The following ETV3L variants were observed in gnomAD, a reference collection of about 807,000 sequenced individuals.
ETV3L encodes ETS variant transcription factor 3 like.
A neutral mutation model predicts 27.6 loss-of-function variants in ETV3L; 30 were observed. The ratio of observed to expected loss-of-function variants is 1.09; its 90% confidence interval spans 0.81 to 1.48. The LOEUF (loss-of-function observed/expected upper bound fraction) is 1.48. ETV3L is among the 40% of genes most tolerant of loss of function. The pLI is 0.00. For synonymous variants in ETV3L, 186 were observed against 188.9 expected, an observed-to-expected ratio of 0.98 and a Z score of 0.12; for missense variants, 443 against 455.6, an observed-to-expected ratio of 0.97 and a Z score of 0.25.
At chr1:157,096,141 G>A (rs747285004) in intron 4 of ETV3L, among the ~76,000 whole-genome samples, 62 of 151,960 alleles carry the variant, frequency 4.1e-4, no homozygotes, top group Admixed American at 9.8e-4. Context: ...TCTCTCGCTC[G>A]CCATGCTCTC....
In ETV3L at chr1:157,092,685, C is replaced by A. The variant is rs1182531144; in HGVS notation, c.1050G>T (p.Glu350Asp). Residue 350 changes from glutamate to aspartate, a missense_variant, in exon 5 of 5, where the codon GAG becomes GAT. Transcript: ENST00000454449. The part of the protein sequence containing the change: ...GEESLTSPNL[E>D]NLKAVWPLDP... ...CCAAGGGCCACACTGCTTTGAGGTT[C>A]TCCAGATTGGGGGAAGTAAGGCTTT... 12 of 1,613,174 alleles carry A rather than the reference C, an allele frequency of 7.4e-6. No individual in the cohort carries two copies. The highest frequency in any genetic ancestry group is 1.0e-5 in the Non-Finnish European group (12 of 1,179,468).
Position 157,092,565 on chromosome 1 carries a change from G to T in ETV3L, c.*84C>A. ...CAATTTCAGCCCATGTCCAGCCAGG[G>T]GAAGGGGCTAACCCAGAGGCGGTGG... is the stretch of plus-strand genomic sequence containing the variant. On this transcript the variant is annotated 3_prime_UTR_variant, in exon 5 of 5. Transcript: ENST00000454449. 8.3e-7 allele frequency: 1 copy of T among 1,198,884 alleles called. No individual in the cohort carries two copies. The highest frequency in any genetic ancestry group is 1.2e-6 in the Non-Finnish European group (1 of 850,872). 74.3% of individuals were successfully genotyped at this position (1,198,884 alleles called of 1,614,324 possible).
intron 3 of ETV3L, among the ~76,000 whole-genome samples, chr1:157,098,311 G>A (rs575343713): frequency 7.9e-5 from 12 of 152,066 alleles, no homozygotes; most frequent in Non-Finnish European, 1.6e-4. Context: ...GTCCAGGCTG[G>A]TCTCGAACTC....
At chr1:157,093,165 A>G (rs1571679095) in intron 4 of ETV3L, 38 bp from the exon 5 acceptor site, 16 of 1,366,244 alleles carry the variant, frequency 1.2e-5, no homozygotes, top group Non-Finnish European at 1.4e-5. Flanking sequence ...AGGGAGCCCA[A>G]CCTCTCGCAG....
chr1:157,093,499 CT>C (rs912702848), intron 4 of ETV3L, among the ~76,000 whole-genome samples: 205 of 144,450 alleles, frequency 1.4e-3, no homozygotes, highest in African/African-American at 4.1e-3. Context: ...TTTTTCTTTT[CT>C]TTTTTTTTTT....
At chr1:157,096,172 C>T (rs1384012843) in intron 4 of ETV3L, among the ~76,000 whole-genome samples, 1 of 152,170 alleles carries the variant, frequency 6.6e-6, no homozygotes, top group African/African-American at 2.4e-5. Context: ...CTGAGCTAAG[C>T]TGACACTCAC....
chr1:157,096,064 G>A (rs897611634), intron 4 of ETV3L, among the ~76,000 whole-genome samples: 10 of 152,036 alleles, frequency 6.6e-5, no homozygotes, highest in African/African-American at 2.4e-4. Flanking sequence ...CAGTCTCTCT[G>A]TTCCAGGGCC....
At chr1:157,096,982 CTCCTGCCCACAGGAGAAAG>C (rs1185571259) in intron 4 of ETV3L, among the ~76,000 whole-genome samples, 1 of 152,054 alleles carries the variant, frequency 6.6e-6, no homozygotes, top group Non-Finnish European at 1.5e-5. Context: ...CTCCCAGTCC[CTCCTGCCCACAGGAGAAAG>C]TCCTGCTCCC....
At position 157,099,149 on chromosome 1, in the gene ETV3L, C is replaced by T. The variant is rs1321120555; in HGVS notation, c.288G>A (p.Arg96=). ...CAGCCGCCTCCTCTCACCTGAGGGC[C>T]CGGCTCAGCTTGTCATAATTCATCT... is the stretch of plus-strand genomic sequence containing the variant. ...KPQMNYDKLS[R]ALRYYYNKRI... Residue 96 remains arginine, a synonymous_variant, in exon 2 of 5, where the codon CGG becomes CGA. Transcript: ENST00000454449. 2 of 1,613,866 alleles carry T rather than the reference C, an allele frequency of 1.2e-6. No individual in the cohort carries two copies. The highest frequency in any genetic ancestry group is 1.7e-5 in the Admixed American group (1 of 60,002).
Position 157,099,520 on chromosome 1 carries a change from G to A in ETV3L, c.4C>T (p.His2Tyr), listed in dbSNP as rs1379903458. Reference protein sequence around the residue: MHCSCLAEGIPA... With the variant: MYCSCLAEGIPA... ...ATGCCCTCAGCCAAGCAGCTGCAGTGCATGGTCCACTCCGGCGAGATGGGC... is the reference window on the plus strand; with the variant it reads ...ATGCCCTCAGCCAAGCAGCTGCAGTACATGGTCCACTCCGGCGAGATGGGC... The change falls in exon 1 of 5, where the codon CAC (histidine) becomes TAC (tyrosine). Residue 2 changes from histidine (H) to tyrosine (Y), a missense_variant. By Grantham distance (83) the His-to-Tyr change is moderately conservative. Coordinates refer to ENST00000454449, the MANE Select transcript of ETV3L (RefSeq NM_001004341.2). 6.2e-7 allele frequency: 1 copy of A among 1,610,762 alleles called. No homozygotes were observed. Among genetic ancestry groups the A allele is most frequent in the Admixed American group, 1.7e-5 (1 of 59,578 alleles).
chr1:157,096,813 G>A (rs576770408), intron 4 of ETV3L, among the ~76,000 whole-genome samples: 2 of 152,330 alleles, frequency 1.3e-5, no homozygotes, highest in Middle Eastern at 3.4e-3. Context: ...CAGTTACTTG[G>A]GAGGCTGAGG....
In ETV3L at chr1:157,098,698, G is replaced by T. The variant is rs769353508; in HGVS notation, c.486+8C>A. 16 of 1,580,296 alleles carry T rather than the reference G, an allele frequency of 1.0e-5. No individual in the cohort carries two copies. The highest frequency in any genetic ancestry group is 8.6e-7 in the Non-Finnish European group (1 of 1,163,574). On this transcript the variant is annotated splice_region_variant and intron_variant, in intron 3 of 4. Transcript: ENST00000454449. ...GAGCCCTGAGACAGGGGCCACCTCC[G>T]CTCTTACCTCACTCTGCACACCCAC...
Position 157,097,911 on chromosome 1 carries a change from T to A in ETV3L, c.564A>T (p.Pro188=), listed in dbSNP as rs964613522. 6.2e-7 allele frequency: 1 copy of A among 1,613,564 alleles called. No homozygotes were observed. Among genetic ancestry groups the A allele is most frequent in the African/African-American group, 1.3e-5 (1 of 74,872 alleles). Residue 188 remains proline (P), a synonymous_variant, in exon 4 of 5, where the codon CCA becomes CCT. Coordinates refer to ENST00000454449, the MANE Select transcript of ETV3L (RefSeq NM_001004341.2). ...TCCCCTTCTTATCCCCAGAGGTCTC[T>A]GGTGGCCCTCGGGGGGTCTGCTGTC... ...LTGQQTPRGP[P]ETSGDKKGSS... is the part of the protein sequence containing the mutation.
chr1:157,099,122 G>T lies in ETV3L; in HGVS notation c.296+19C>A, dbSNP rs1458669648. The T allele has an allele frequency of 6.2e-7, 1 of 1,613,222 alleles. No individual in the cohort carries two copies. Among genetic ancestry groups the T allele is most frequent in the Non-Finnish European group, 8.5e-7 (1 of 1,179,394 alleles). ...CTTGAAATCCCCCCTCTTTGGCCAT[G>T]TCAGCCGCCTCCTCTCACCTGAGGG... On this transcript the variant is annotated intron_variant, in intron 2 of 4. Transcript: ENST00000454449.
rs1362381030 is a variant in ETV3L at position 157,092,362 on chromosome 1, A to C, written c.*287T>G. 8.3e-6 allele frequency: 3 copies of C among 359,454 alleles called. No homozygotes were observed. The East Asian group carries it at 1.5e-4, about 18-fold the overall frequency. 22.3% of individuals were successfully genotyped at this position (359,454 alleles called of 1,614,324 possible). ...CCCTTATGTGGGCAGGATGGAAATT[A>C]TAGAAACTTTATTCTCGTCTCCCTG... On this transcript the variant is annotated 3_prime_UTR_variant, in exon 5 of 5. Transcript: ENST00000454449.
Position 157,097,850 on chromosome 1 carries a change from C to T in ETV3L, c.607+18G>A, listed in dbSNP as rs369614471. 1 of 1,612,080 alleles carries T rather than the reference C, an allele frequency of 6.2e-7. No individual in the cohort carries two copies. The highest frequency in any genetic ancestry group is 8.5e-7 in the Non-Finnish European group (1 of 1,179,778). On this transcript the variant is annotated intron_variant, in intron 4 of 4. Transcript: ENST00000454449. The stretch of plus-strand genomic sequence containing the variant: ...CTGGCTAAGATCCCCCTGGGCCCTC[C>T]CAGCCTTGAGCACTCACGGTAGACG...
chr1:157,099,073 G>T (rs761525642), intron 2 of ETV3L, 68 bp downstream of exon 2: 4 of 1,586,858 alleles, frequency 2.5e-6, no homozygotes, highest in Non-Finnish European at 3.4e-6. Flanking sequence ...GTCAGCAGGG[G>T]TACCAGAAAC....
Position 157,098,018 on chromosome 1 carries a change from G to A in ETV3L, c.487-30C>T, listed in dbSNP as rs749580867. On this transcript the variant is annotated intron_variant, in intron 3 of 4. Transcript: ENST00000454449. ...GGGGTGAGAAGTAGGTGCGAGGTGTGATGGGCTCTCCTTGGCATGTATCCT... is the reference window on the plus strand; with the variant it reads ...GGGGTGAGAAGTAGGTGCGAGGTGTAATGGGCTCTCCTTGGCATGTATCCT... 1.1e-5 allele frequency: 18 copies of A among 1,571,372 alleles called. No individual in the cohort carries two copies. In the African/African-American group the frequency reaches 1.6e-4, roughly 14 times the overall value.
At chr1:157,098,062 G>T in intron 3 of ETV3L, 74 bp from the exon 4 acceptor site, 2 of 1,455,618 alleles carry the variant, frequency 1.4e-6, no homozygotes, top group Non-Finnish European at 9.1e-7. Context: ...ATCTGGTACT[G>T]TTAGCCAGTT....
Sources: gnomAD v4.1 joint callset for allele counts (sites outside exome capture counted in the v4.1 genomes callset) on GRCh38, gnomAD v4.1.1 for gene constraint, MANE v1.5 for transcripts, NCBI Gene and HGNC (gene_info 2026-07-23, HGNC 2026-07-21) for gene names.